The following DTNA variants were observed in gnomAD, a reference collection of about 807,000 sequenced individuals.
DTNA encodes the protein dystrobrevin alpha.
Under a neutral mutation model 100.7 loss-of-function variants are expected in DTNA, and 43 were observed. That is an observed-to-expected ratio of 0.43 (90% CI 0.33 to 0.55). The LOEUF (loss-of-function observed/expected upper bound fraction) is 0.55, where lower values mean the gene tolerates loss of function less well. Among genes scored for constraint, DTNA ranks in the 20% least tolerant of loss-of-function variants. The pLI is 0.04. For synonymous variants in DTNA, 349 were observed against 347.9 expected (o/e 1.00, Z -0.04); for missense variants, 798 against 953.9 (o/e 0.84, Z 2.15).
intron 1 of DTNA, chr18:34,755,618 T>C: frequency 3.3e-6 from 1 of 303,022 alleles, no homozygotes. Flanking sequence ...CAATATCTGT[T>C]CTCCAGTCAT....
intron 1 of DTNA, among the ~76,000 whole-genome samples, chr18:34,615,439 T>C (rs2055068727): frequency 6.6e-6 from 1 of 152,064 alleles, no homozygotes; most frequent in Non-Finnish European, 1.5e-5. Flanking sequence ...CACCCTAACC[T>C]TCAGCAACTA....
chr18:34,647,238 T>C (rs1292503711), intron 1 of DTNA, among the ~76,000 whole-genome samples: 1 of 152,150 alleles, frequency 6.6e-6, no homozygotes, highest in African/African-American at 2.4e-5. Flanking sequence ...TTAGGTGATA[T>C]GACAAATCCT....
chr18:34,566,289 A>T (rs2047078052), intron 1 of DTNA, among the ~76,000 whole-genome samples: 4 of 152,200 alleles, frequency 2.6e-5, no homozygotes, highest in Admixed American at 2.6e-4. Context: ...CTTTAAAAAA[A>T]AAAAAAGGAA....
chr18:34,865,648 A>T (rs191957471), intron 17 of DTNA, among the ~76,000 whole-genome samples: 4 of 152,350 alleles, frequency 2.6e-5, no homozygotes, highest in South Asian at 4.1e-4. Context: ...AACCAAAAAT[A>T]AACTCTTTCT....
chr18:34,535,757 C>T (rs1370251550), intron 1 of DTNA, among the ~76,000 whole-genome samples: 1 of 152,090 alleles, frequency 6.6e-6, no homozygotes, highest in African/African-American at 2.4e-5. Context: ...GGAATCCTTT[C>T]CCCATTGCTT....
At chr18:34,694,329 G>T (rs75816349) in intron 1 of DTNA, among the ~76,000 whole-genome samples, 1 of 152,124 alleles carries the variant, frequency 6.6e-6, no homozygotes, top group African/African-American at 2.4e-5. Flanking sequence ...ATTCTGATGG[G>T]TTTACAAAAG....
chr18:34,818,039 A>G, intron 7 of DTNA, 125 bp from the exon 8 acceptor site: 1 of 1,581,318 alleles, frequency 6.3e-7, no homozygotes, highest in Non-Finnish European at 8.6e-7. Flanking sequence ...CTCTGAGCCC[A>G]AATCAACTAT....
intron 1 of DTNA, among the ~76,000 whole-genome samples, chr18:34,569,747 C>T (rs1260658196): frequency 6.6e-6 from 1 of 152,072 alleles, no homozygotes; most frequent in Non-Finnish European, 1.5e-5. Context: ...CTGCTGAATT[C>T]CTTCTTGGTT....
chr18:34,811,819 A>T, intron 5 of DTNA, 140 bp from the exon 6 acceptor site: 1 of 994,268 alleles, frequency 1.0e-6, no homozygotes, highest in Non-Finnish European at 1.5e-6. Flanking sequence ...ATATTTCAGC[A>T]TAAAAATTAG....
chr18:34,522,588 A>G (rs929447726), intron 1 of DTNA, among the ~76,000 whole-genome samples: 4 of 152,126 alleles, frequency 2.6e-5, no homozygotes, highest in South Asian at 4.1e-4. Flanking sequence ...CATGTGTTCT[A>G]TGTTAACTGA....
At chr18:34,530,021 T>C (rs2145467332) in intron 1 of DTNA, among the ~76,000 whole-genome samples, 1 of 152,272 alleles carries the variant, frequency 6.6e-6, no homozygotes, top group East Asian at 1.9e-4. Flanking sequence ...GTACCTTTCA[T>C]TCTATGAGAT....
At chr18:34,699,946 C>T (rs1456327030) in intron 1 of DTNA, among the ~76,000 whole-genome samples, 1 of 152,168 alleles carries the variant, frequency 6.6e-6, no homozygotes, top group Non-Finnish European at 1.5e-5. Flanking sequence ...AAAGGTTATA[C>T]TCAGGACCCT....
In DTNA at chr18:34,766,007, A is replaced by T. The variant is rs1005316955; in HGVS notation, c.114A>T (p.Ala38=). ...DRIRLSTYRT[A]CKLRFVQKKC... ...TCCGACTCTCCACCTACAGAACAGCATGCAAGCTTAGGTTTGTTCAGAAGA... is the reference window on the plus strand; with the variant it reads ...TCCGACTCTCCACCTACAGAACAGCTTGCAAGCTTAGGTTTGTTCAGAAGA... Residue 38 remains alanine (A), a synonymous_variant, in exon 3 of 23, where the codon GCA becomes GCT. Transcript: ENST00000444659. The T allele has an allele frequency of 2.5e-5, 40 of 1,613,730 alleles. No homozygotes were observed. Among genetic ancestry groups the T allele is most frequent in the Non-Finnish European group, 3.2e-5 (38 of 1,179,772 alleles).
chr18:34,630,375 C>G (rs970770500), intron 1 of DTNA, among the ~76,000 whole-genome samples: 2 of 152,140 alleles, frequency 1.3e-5, no homozygotes, highest in Non-Finnish European at 2.9e-5. Context: ...GATACTAACT[C>G]TAAGCCTTAG....
intron 17 of DTNA, chr18:34,867,862 G>A (rs2096723409): frequency 1.0e-6 from 1 of 985,462 alleles, no homozygotes; most frequent in Non-Finnish European, 1.2e-6. Context: ...CATCTCAGGG[G>A]GCCAACAGCG....
At chr18:34,664,157 T>A (rs1312349544) in intron 1 of DTNA, among the ~76,000 whole-genome samples, 2 of 152,106 alleles carry the variant, frequency 1.3e-5, no homozygotes, top group East Asian at 3.9e-4. Context: ...GCCTGGAGTT[T>A]CTTCATATTT....
At chr18:34,513,900 T>G (rs1014193355) in intron 1 of DTNA, 1 of 152,150 alleles carries the variant, frequency 6.6e-6, no homozygotes, top group African/African-American at 2.4e-5. Context: ...AATAGAAACC[T>G]AAACAGAACT....
intron 1 of DTNA, among the ~76,000 whole-genome samples, chr18:34,674,954 G>A (rs532257716): frequency 1.3e-5 from 2 of 152,236 alleles, no homozygotes; most frequent in South Asian, 2.1e-4. Context: ...AGCTGGGAGG[G>A]GCAGGAAGGA....
At position 34,753,336 on chromosome 18, in the gene DTNA, G is replaced by GATTT. The variant is rs71166025; in HGVS notation, c.-1-2615_-1-2612dup. 2.9e-3 allele frequency among the ~76,000 whole-genome samples: 391 copies of GATTT among 135,420 alleles called. 3 individuals are homozygous for GATTT. Among genetic ancestry groups the GATTT allele is most frequent in the Middle Eastern group, 7.2e-3 (2 of 278 alleles). 88.8% of individuals were successfully genotyped at this position (135,420 alleles called of 152,430 possible). A position where few individuals can be genotyped will look rare whatever the true frequency, so the allele number is the denominator to read the frequency against. On this transcript the variant is annotated intron_variant, in intron 1 of 22. Coordinates refer to ENST00000444659, the MANE Select transcript of DTNA (RefSeq NM_001386795.1). ...AGCTCCCTAGACTACCATCCTTTGTGATTTATTTATTTATTTATTTATTTA... is the reference window on the plus strand; with the variant it reads ...AGCTCCCTAGACTACCATCCTTTGTGATTTATTTATTTATTTATTTATTTATTTA...
Sources: gnomAD v4.1 joint callset for allele counts (sites outside exome capture counted in the v4.1 genomes callset) on GRCh38, gnomAD v4.1.1 for gene constraint, MANE v1.5 for transcripts, NCBI Gene and HGNC (gene_info 2026-07-23, HGNC 2026-07-21) for gene names.